Variants in TET2 observed in about 807,000 individuals in gnomAD.
The protein encoded by TET2 is methylcytosine dioxygenase TET2.
TET2 carries 299 observed loss-of-function variants against 142.9 expected under a neutral mutation model. The ratio of observed to expected loss-of-function variants is 2.09; its 90% confidence interval spans 1.90 to 2.30. The LOEUF (loss-of-function observed/expected upper bound fraction) is 2.30. TET2 is among the 30% of genes most tolerant of loss of function. The pLI, the probability that TET2 is intolerant of heterozygous loss-of-function variation, is 0.00. For missense variants in TET2, 2,418 were observed against 2,378.0 expected (o/e 1.02, Z -0.35); for synonymous variants, 819 against 849.0 (o/e 0.96, Z 0.61).
intron 2 of TET2, among the ~76,000 whole-genome samples, chr4:105,212,131 A>G (rs1727200958): frequency 1.3e-5 from 2 of 152,252 alleles, no homozygotes; most frequent in South Asian, 4.1e-4. Context: ...TTCCCATGTC[A>G]GCACTTTATC....
At chr4:105,240,163 A>G in intron 3 of TET2, 1 of 237,206 alleles carries the variant, frequency 4.2e-6, no homozygotes, top group Non-Finnish European at 8.9e-6. Context: ...AGAATTACCA[A>G]AATGTGATAC....
rs749152320 is a variant in TET2, at chr4:105,279,294, G to A, written c.*2775G>A. 6.5e-5 allele frequency: 15 copies of A among 231,860 alleles called. No homozygotes were observed. The highest frequency in any genetic ancestry group is 1.1e-4 in the Non-Finnish European group (13 of 117,306). The allele number at this position is 231,860 out of a possible 1,614,324, so 14.4% of individuals were successfully genotyped here. On this transcript the variant is annotated 3_prime_UTR_variant, in exon 11 of 11. Coordinates refer to ENST00000380013, the MANE Select transcript of TET2 (RefSeq NM_001127208.3). ...AAGAACAGGAAGTATAGTTTGGGGG[G>A]TTGGGGAGAGTTTACATAAGGAAGA...
chr4:105,207,241 G>A (rs1199157853), intron 2 of TET2, among the ~76,000 whole-genome samples: 1 of 152,140 alleles, frequency 6.6e-6, no homozygotes, highest in African/African-American at 2.4e-5. Flanking sequence ...TTACTATCTT[G>A]TGAGTTTTTA....
rs1215482037 is a variant in TET2 at position 105,275,145 on chromosome 4, G to A, written c.4635G>A (p.Gln1545=). 1.3e-6 allele frequency: 2 copies of A among 1,551,498 alleles called. No individual in the cohort carries two copies. The highest frequency in any genetic ancestry group is 8.7e-7 in the Non-Finnish European group (1 of 1,146,654). ...PPQPQQQQRP[Q]QQQPHHPQTE... ...AGCCCCAGCAGCAGCAGAGACCCCA[G>A]CAGCAGCAGCCACATCACCCTCAGA... is the stretch of plus-strand genomic sequence containing the variant. The change falls in exon 11 of 11, where the codon CAG becomes CAA. Residue 1545 remains glutamine, a synonymous_variant. Transcript: ENST00000380013.
intron 2 of TET2, among the ~76,000 whole-genome samples, chr4:105,227,726 CAAAT>C (rs1353233904): frequency 1.3e-5 from 2 of 152,058 alleles, no homozygotes; most frequent in African/African-American, 2.4e-5. Flanking sequence ...AAAAATCACA[CAAAT>C]AATCTCCATA....
intron 2 of TET2, among the ~76,000 whole-genome samples, chr4:105,233,489 A>G (rs1202944488): frequency 6.6e-6 from 1 of 152,092 alleles, no homozygotes; most frequent in East Asian, 1.9e-4. Context: ...AGGAATATAT[A>G]GGAAGTACAG....
chr4:105,186,761 C>T (rs548249504), intron 1 of TET2, among the ~76,000 whole-genome samples: 10 of 152,142 alleles, frequency 6.6e-5, no homozygotes, highest in Admixed American at 1.3e-4. Context: ...CATGAGCCAC[C>T]GCGGCCTGGC....
Position 105,235,707 on chromosome 4 carries a change from A to G in TET2, c.1765A>G (p.Ile589Val), listed in dbSNP as rs760701125. 60 of 1,614,046 alleles carry G rather than the reference A, an allele frequency of 3.7e-5. No individual in the cohort carries two copies. Among genetic ancestry groups the G allele is most frequent in the Admixed American group, 1.0e-4 (6 of 59,996 alleles). Residue 589 changes from isoleucine (I) to valine (V), a missense_variant, in exon 3 of 11, where the codon ATT becomes GTT. Ile to Val is a conservative substitution (Grantham distance 29, BLOSUM62 3). Coordinates refer to ENST00000380013, the MANE Select transcript of TET2 (RefSeq NM_001127208.3). ...ACGTAATGAGGCATCACTGCCATCAATTCTTCAGTATCAACCCAATCTCTC... is the reference window on the plus strand; with the variant it reads ...ACGTAATGAGGCATCACTGCCATCAGTTCTTCAGTATCAACCCAATCTCTC... ...LKRNEASLPSILQYQPNLSNQ... is the reference protein window; with the variant it reads ...LKRNEASLPSVLQYQPNLSNQ...
At chr4:105,158,530 T>C (rs960475304) in intron 1 of TET2, among the ~76,000 whole-genome samples, 1 of 152,240 alleles carries the variant, frequency 6.6e-6, no homozygotes, top group Admixed American at 6.5e-5. Context: ...GAATGGGTCA[T>C]GTTGTAATTT....
intron 1 of TET2, among the ~76,000 whole-genome samples, chr4:105,161,321 T>C (rs958635635): frequency 2.0e-5 from 3 of 152,238 alleles, no homozygotes; most frequent in Non-Finnish European, 2.9e-5. Flanking sequence ...TTATTACTTA[T>C]AATTTATTGT....
chr4:105,241,383 G>A lies in TET2; in HGVS notation c.3454G>A (p.Gly1152Arg), dbSNP rs2110248928. 2 of 1,550,762 alleles carry A rather than the reference G, an allele frequency of 1.3e-6. No homozygotes were observed. The highest frequency in any genetic ancestry group is 1.7e-6 in the Non-Finnish European group (2 of 1,146,674). ...KDEGPFYTHL[G>R]AGPNVAAIRE... The stretch of plus-strand genomic sequence containing the variant: ...TGAAGGTCCTTTTTATACCCATCTA[G>A]GAGCAGGTCCTAATGTGGCAGCTAT... Residue 1152 changes from glycine to arginine, a missense_variant, in exon 4 of 11, where the codon GGA (glycine) becomes AGA (arginine). By Grantham distance (125) the Gly-to-Arg change is moderately radical. Coordinates refer to ENST00000380013, the MANE Select transcript of TET2 (RefSeq NM_001127208.3).
In TET2 at chr4:105,237,051, G is replaced by T. The variant is rs748334095; in HGVS notation, c.3109G>T (p.Ala1037Ser). ...TMEQHLKQFHAKSLFDHKALT... is the reference protein window; with the variant it reads ...TMEQHLKQFHSKSLFDHKALT... ...GGAGCAGCATCTGAAGCAGTTTCAC[G>T]CCAAGTCGTTATTTGACCATAAGGC... Residue 1037 changes from alanine (A) to serine (S), a missense_variant, in exon 3 of 11, where the codon GCC becomes TCC. Transcript: ENST00000380013. 1.2e-6 allele frequency: 2 copies of T among 1,614,122 alleles called. No homozygotes were observed. The highest frequency in any genetic ancestry group is 1.7e-6 in the Non-Finnish European group (2 of 1,180,012).
At chr4:105,204,299 T>C (rs1726686142) in intron 2 of TET2, among the ~76,000 whole-genome samples, 1 of 149,982 alleles carries the variant, frequency 6.7e-6, no homozygotes, top group African/African-American at 2.5e-5. Flanking sequence ...ACTAATTACA[T>C]TGTTTTCTTA....
chr4:105,159,262 T>G (rs1578536403), intron 1 of TET2, among the ~76,000 whole-genome samples: 2 of 150,298 alleles, frequency 1.3e-5, no homozygotes. Flanking sequence ...TTTTTTTTTT[T>G]TTTTTTTGAG....
intron 1 of TET2, chr4:105,147,666 C>G (rs930878773): frequency 6.6e-6 from 1 of 152,162 alleles, no homozygotes; most frequent in Admixed American, 6.5e-5. Context: ...AAGACCAGAA[C>G]TCACTTTTCT....
At chr4:105,193,954 C>A (rs558935920) in intron 2 of TET2, among the ~76,000 whole-genome samples, 1 of 152,088 alleles carries the variant, frequency 6.6e-6, no homozygotes, top group African/African-American at 2.4e-5. Flanking sequence ...GACAGAGAAT[C>A]AAAAAATTAT....
At chr4:105,147,096 G>A (rs1370498669) in intron 1 of TET2, 117 bp downstream of exon 1, 1 of 152,224 alleles carries the variant, frequency 6.6e-6, no homozygotes, top group Non-Finnish European at 1.5e-5. Flanking sequence ...TACCAAGAGG[G>A]AAGAGGGAAG....
chr4:105,238,876 A>AAG lies in TET2; in HGVS notation c.3409+1525_3409+1526insAG, dbSNP rs1385090340. 1.5e-3 allele frequency: 354 copies of AAG among 239,220 alleles called. 2 individuals carry two copies. Among genetic ancestry groups the AAG allele is most frequent in the African/African-American group, 7.5e-3 (337 of 44,972 alleles). 14.8% of individuals were successfully genotyped at this position (239,220 alleles called of 1,614,324 possible). A position where few individuals can be genotyped will look rare whatever the true frequency, so the allele number is the denominator to read the frequency against. On this transcript the variant is annotated intron_variant, in intron 3 of 10. Transcript: ENST00000380013. ...GGATCCATCAGAAGACTATCTTGGC[A>AAG]GCTGTAGACTAACAATATATTTCTT...
Position 105,169,398 on chromosome 4 carries a change from G to T in TET2, c.-192-20962G>T, listed in dbSNP as rs564012102. Among the ~76,000 whole-genome samples the T allele has an allele frequency of 5.1e-3, 777 of 152,118 alleles. 6 individuals carry two copies. Among genetic ancestry groups the T allele is most frequent in the African/African-American group, 0.018 (738 of 41,500 alleles). On this transcript the variant is annotated intron_variant, in intron 1 of 10. Coordinates refer to ENST00000380013, the MANE Select transcript of TET2 (RefSeq NM_001127208.3). Reference sequence around the variant, plus strand: ...CTTCTTTTTAAAATTGTCTATTCATGTCCTTAGCCCACTTTTTGATAGGAT... The same window carrying T: ...CTTCTTTTTAAAATTGTCTATTCATTTCCTTAGCCCACTTTTTGATAGGAT...
Sources: allele counts gnomAD v4.1 joint callset (sites outside exome capture counted in the v4.1 genomes callset), GRCh38; gene constraint gnomAD v4.1.1; transcripts MANE v1.5; gene names NCBI Gene and HGNC (gene_info 2026-07-23, HGNC 2026-07-21).